The following CYP26C1 variants were observed in gnomAD, a reference collection of about 807,000 sequenced individuals.
CYP26C1 encodes the protein cytochrome P450 26C1.
In CYP26C1, 41 loss-of-function variants were observed where a neutral mutation model predicts 39.1. The observed-to-expected ratio is 1.05, with a 90% CI of 0.82 to 1.36. The LOEUF is 1.36. Among genes scored for constraint, CYP26C1 ranks in the 40% most tolerant of loss-of-function variants. The pLI, the probability that CYP26C1 is intolerant of heterozygous loss-of-function variation, is 0.00. For missense variants in CYP26C1, 833 were observed against 752.0 expected (o/e 1.11, Z -1.26); for synonymous variants, 362 against 350.8 (o/e 1.03, Z -0.36).
rs1194902656 is a variant in CYP26C1 at position 93,068,410 on chromosome 10, T to G, written c.1282T>G (p.Phe428Val). 1 of 1,611,070 alleles carries G rather than the reference T, an allele frequency of 6.2e-7. No homozygotes were observed. Among genetic ancestry groups the G allele is most frequent in the South Asian group, 1.1e-5 (1 of 90,818 alleles). Residue 428 changes from phenylalanine (F) to valine (V), a missense_variant, in exon 6 of 6, where the codon TTC becomes GTC. Transcript: ENST00000651965. ...GGTGTACCGCAGCCCTCCCGAAGGCTTCGATCCAGAGCGCTTCGGCGCAGC... is the reference window on the plus strand; with the variant it reads ...GGTGTACCGCAGCCCTCCCGAAGGCGTCGATCCAGAGCGCTTCGGCGCAGC... Reference protein sequence around the residue: ...AAVYRSPPEGFDPERFGAARE... With the variant: ...AAVYRSPPEGVDPERFGAARE...
Position 93,068,934 on chromosome 10 carries a change from GC to G in CYP26C1, c.*240del. On this transcript the variant is annotated 3_prime_UTR_variant, in exon 6 of 6. Transcript: ENST00000651965. ...TGGGAAGATGCCTTCTGCGCTCCGC[GC>G]CCAGAGGAAGGAAAATGTCGTGGGC... 1 of 606,962 alleles carries G rather than the reference GC, an allele frequency of 1.6e-6. No homozygotes were observed. Among genetic ancestry groups the G allele is most frequent in the Non-Finnish European group, 2.5e-6 (1 of 394,874 alleles). 37.6% of individuals were successfully genotyped at this position (606,962 alleles called of 1,614,324 possible).
chr10:93,061,996 C>T lies in CYP26C1; in HGVS notation c.205-14C>T, dbSNP rs1225447808. On this transcript the variant is annotated splice_polypyrimidine_tract_variant and intron_variant, in intron 1 of 5. Coordinates refer to ENST00000651965, the MANE Select transcript of CYP26C1 (RefSeq NM_183374.3). ...CCAGAAGTTCCAGCTCTCCACCCTC[C>T]GCCTCGCCCGCAGGGCTCGCGCTTC... 1.3e-6 allele frequency: 2 copies of T among 1,551,462 alleles called. No homozygotes were observed. Among genetic ancestry groups the T allele is most frequent in the Non-Finnish European group, 1.7e-6 (2 of 1,147,098 alleles).
In CYP26C1 at chr10:93,061,408, C is replaced by T; in HGVS notation, c.145C>T (p.Leu49=). The change falls in exon 1 of 6, where the codon CTG becomes TTG. Residue 49 remains leucine (L), a synonymous_variant. Coordinates refer to ENST00000651965, the MANE Select transcript of CYP26C1 (RefSeq NM_183374.3). ...CCGGGACCGGGCCTCCACCCTGCCT[C>T]TGCCCAAGGGCTCCATGGGGTGGCC... ...LSRDRASTLP[L]PKGSMGWPFF... The T allele has an allele frequency of 6.4e-7, 1 of 1,559,892 alleles. No individual in the cohort carries two copies. Among genetic ancestry groups the T allele is most frequent in the Non-Finnish European group, 8.7e-7 (1 of 1,152,070 alleles).
In CYP26C1 at chr10:93,061,465, C is replaced by G. The variant is rs1037754860; in HGVS notation, c.202C>G (p.Gln68Glu). 7 of 1,550,022 alleles carry G rather than the reference C, an allele frequency of 4.5e-6. No individual in the cohort carries two copies. The African/African-American group carries it at 6.8e-5, about 15-fold the overall frequency. ...FFGETLHWLVQGSRFHSSRRE... is the reference protein window; with the variant it reads ...FFGETLHWLVEGSRFHSSRRE... Reference sequence around the variant, plus strand: ...CGGCGAAACGCTGCACTGGTTAGTTCAGGTGAGCAGTCCTTCGACCCCGAG... The same window carrying G: ...CGGCGAAACGCTGCACTGGTTAGTTGAGGTGAGCAGTCCTTCGACCCCGAG... Residue 68 changes from glutamine (Q) to glutamate (E), a missense_variant and splice_region_variant, in exon 1 of 6, where the codon CAG (glutamine) becomes GAG (glutamate). Gln to Glu is a conservative substitution (Grantham distance 29). Transcript: ENST00000651965.
At chr10:93,063,920 C>T in intron 3 of CYP26C1, 1 of 988,256 alleles carries the variant, frequency 1.0e-6, no homozygotes, top group Non-Finnish European at 1.2e-6. Flanking sequence ...ATTGCCCACG[C>T]TCTTACAGAG....
rs773161177 is a variant in CYP26C1 at position 93,066,139 on chromosome 10, C to G, written c.1045C>G (p.Pro349Ala). 7.4e-7 allele frequency: 1 copy of G among 1,357,624 alleles called. No homozygotes were observed. Among genetic ancestry groups the G allele is most frequent in the South Asian group, 1.9e-5 (1 of 51,412 alleles). 84.1% of individuals were successfully genotyped at this position (1,357,624 alleles called of 1,614,324 possible). ...GGCCGCTGGGGGCAGCGAGGGGCCC[C>G]CGCCCGACTGCGGCTGCGAGCCCGA... ...PGAAGGSEGPPPDCGCEPDLS... is the reference protein window; with the variant it reads ...PGAAGGSEGPAPDCGCEPDLS... Residue 349 changes from proline (P) to alanine (A), a missense_variant, in exon 5 of 6, where the codon CCG (proline) becomes GCG (alanine). By Grantham distance (27) the Pro-to-Ala change is conservative. Transcript: ENST00000651965.
chr10:93,061,507 T>TCTTCCCCCGGCTCCCACTGGACCCTC, intron 1 of CYP26C1, 40 bp downstream of exon 1: 1 of 1,545,918 alleles, frequency 6.5e-7, no homozygotes, highest in East Asian at 2.4e-5. Flanking sequence ...TACGGTCCCT[T>TCTTCCCCCGGCTCCCACTGGACCCTC]CTTCCCCCGG....
At chr10:93,067,582 C>T (rs992676525) in intron 5 of CYP26C1, among the ~76,000 whole-genome samples, 45 of 152,120 alleles carry the variant, frequency 3.0e-4, no homozygotes, top group African/African-American at 9.9e-4. Flanking sequence ...GGGATGATTC[C>T]AAGATGTTCT....
At chr10:93,067,683 C>A (rs931380125) in intron 5 of CYP26C1, among the ~76,000 whole-genome samples, 1 of 152,140 alleles carries the variant, frequency 6.6e-6, no homozygotes, top group African/African-American at 2.4e-5. Flanking sequence ...ATCAAAAAGC[C>A]AAATGGTTGA....
chr10:93,063,302 C>G (rs1846776292), intron 3 of CYP26C1: 4 of 1,149,406 alleles, frequency 3.5e-6, no homozygotes, highest in Non-Finnish European at 4.3e-6. Flanking sequence ...TGGCAGGCGT[C>G]CTGCCAGTCG....
At chr10:93,063,450 G>A in intron 3 of CYP26C1, 2 of 989,582 alleles carry the variant, frequency 2.0e-6, no homozygotes, top group Non-Finnish European at 2.4e-6. Flanking sequence ...CCCGGACCCA[G>A]GGGTGTGGGC....
Position 93,066,202 on chromosome 10 carries a change from G to C in CYP26C1, c.1108G>C (p.Asp370His). Residue 370 changes from aspartate (D) to histidine (H), a missense_variant, in exon 5 of 6, where the codon GAC becomes CAC. Asp to His is a moderately conservative substitution (Grantham distance 81). Coordinates refer to ENST00000651965, the MANE Select transcript of CYP26C1 (RefSeq NM_183374.3). ...GGCGCTGGGCCGTCTGCGCTACGTC[G>C]ACTGCGTGGTCAAGGAGGTGCTGCG... ...LAALGRLRYV[D>H]CVVKEVLRLL... 4 of 1,474,760 alleles carry C rather than the reference G, an allele frequency of 2.7e-6. No homozygotes were observed. Among genetic ancestry groups the C allele is most frequent in the South Asian group, 2.7e-5 (2 of 73,208 alleles). 91.4% of individuals were successfully genotyped at this position (1,474,760 alleles called of 1,614,324 possible). A position where few individuals can be genotyped will look rare whatever the true frequency, so the allele number is the denominator to read the frequency against.
rs7917267 is a variant in CYP26C1 at position 93,064,388 on chromosome 10, G to A, written c.713G>A (p.Arg238Gln). 1.9e-3 allele frequency: 2,993 copies of A among 1,613,464 alleles called. 66 individuals carry two copies. In the African/African-American group the frequency reaches 0.035, roughly 19 times the overall value. Residue 238 changes from arginine to glutamine, a missense_variant, in exon 4 of 6, where the codon CGG becomes CAG. Coordinates refer to ENST00000651965, the MANE Select transcript of CYP26C1 (RefSeq NM_183374.3). ...TCTCTCCCTGAACATCAGGGCATCCGGGCAAGGGACCAGCTGCATCGGCAC... is the reference window on the plus strand; with the variant it reads ...TCTCTCCCTGAACATCAGGGCATCCAGGCAAGGGACCAGCTGCATCGGCAC... The part of the protein sequence containing the change: ...VPFSGLRKGI[R>Q]ARDQLHRHLE...
chr10:93,064,645 C>G (rs1846800236), intron 4 of CYP26C1, 109 bp downstream of exon 4: 1 of 1,501,274 alleles, frequency 6.7e-7, no homozygotes, highest in Admixed American at 2.2e-5. Flanking sequence ...CTTTGAGGCA[C>G]AGGCAGTCCT....
In CYP26C1 at chr10:93,063,641, A is replaced by G. The variant is rs145716933; in HGVS notation, c.705+646A>G. The stretch of plus-strand genomic sequence containing the variant: ...CTGGTTTTCAGTCACCTGCATAAAA[A>G]TAATATGTGTAAAGGATCATGCTAT... On this transcript the variant is annotated intron_variant, in intron 3 of 5. Coordinates refer to ENST00000651965, the MANE Select transcript of CYP26C1 (RefSeq NM_183374.3). 9.2e-4 allele frequency: 909 copies of G among 985,496 alleles called. 6 individuals are homozygous for G. The African/African-American group carries it at 0.015, about 16-fold the overall frequency. 61.0% of individuals were successfully genotyped at this position (985,496 alleles called of 1,614,324 possible).
chr10:93,062,806 G>A lies in CYP26C1; in HGVS notation c.516G>A (p.Trp172Ter). The change falls in exon 3 of 6, where the codon TGG (tryptophan) becomes TGA (stop). Residue 172 changes from tryptophan to a stop codon, truncating the protein, a stop_gained. Transcript: ENST00000651965. LOFTEE classifies it high-confidence loss of function. ...CGCTGCGGCATGAGGTGCGCTCCTG[G>A]TGCGCGGCGGGCGGGCCGGTCTCAG... ...QGALRHEVRS[W>*]CAAGGPVSVY... 6.4e-7 allele frequency: 1 copy of A among 1,552,720 alleles called. No individual in the cohort carries two copies. The highest frequency in any genetic ancestry group is 8.7e-7 in the Non-Finnish European group (1 of 1,155,916).
intron 2 of CYP26C1, among the ~76,000 whole-genome samples, 190 bp downstream of exon 2, chr10:93,062,424 A>T (rs1564951366): frequency 6.6e-6 from 1 of 152,212 alleles, no homozygotes; most frequent in African/African-American, 2.4e-5. Context: ...GCGCTAAAAG[A>T]TTCTTTCATC....
rs1456294851 is a variant in CYP26C1, at chr10:93,068,532, G to A, written c.1404G>A (p.Val468=). Reference sequence around the variant, plus strand: ...TCGGCCAGGAGCTGGCGCAAGCCGTGCTCCAGCTGCTAGCTGTGGAGCTAG... The same window carrying A: ...TCGGCCAGGAGCTGGCGCAAGCCGTACTCCAGCTGCTAGCTGTGGAGCTAG... ...SCLGQELAQA[V]LQLLAVELVR... is the part of the protein sequence containing the mutation. The change falls in exon 6 of 6, where the codon GTG becomes GTA. Residue 468 remains valine, a synonymous_variant. Coordinates refer to ENST00000651965, the MANE Select transcript of CYP26C1 (RefSeq NM_183374.3). The A allele has an allele frequency of 6.2e-7, 1 of 1,600,956 alleles. No individual in the cohort carries two copies. Among genetic ancestry groups the A allele is most frequent in the Middle Eastern group, 1.7e-4 (1 of 5,954 alleles).
Position 93,062,068 on chromosome 10 carries a change from TGCTGG to T in CYP26C1, c.266_270del (p.Leu89GlnfsTer78). The T allele has an allele frequency of 6.3e-7, 1 of 1,581,162 alleles. No homozygotes were observed. Among genetic ancestry groups the T allele is most frequent in the Non-Finnish European group, 8.6e-7 (1 of 1,164,626 alleles). On this transcript the variant is annotated frameshift_variant, in exon 2 of 6. Transcript: ENST00000651965. LOFTEE classifies it high-confidence loss of function. ...TATGGGACAGTGTTCAAGACGCACC[TGCTGG>T]GCAGGCCAGTGATCCGCGTGAGCGG...
Sources: allele counts gnomAD v4.1 joint callset (sites outside exome capture counted in the v4.1 genomes callset), GRCh38; gene constraint gnomAD v4.1.1; transcripts MANE v1.5; gene names NCBI Gene and HGNC (gene_info 2026-07-23, HGNC 2026-07-21).